LUZP2: variants seen among roughly 807,000 people sequenced by gnomAD.
The protein encoded by LUZP2 is leucine zipper protein 2.
In LUZP2, 52 loss-of-function variants were observed where a neutral mutation model predicts 51.6. The ratio of observed to expected loss-of-function variants is 1.01; its 90% CI spans 0.81 to 1.27. LUZP2 has a LOEUF of 1.27. LUZP2 is among the 50% of genes most tolerant of loss of function. The pLI, the probability that LUZP2 is intolerant of heterozygous loss-of-function variation, is 0.00. For synonymous variants in LUZP2, 154 were observed against 137.3 expected (o/e 1.12, Z -0.85); for missense variants, 436 against 395.4 (o/e 1.10, Z -0.87).
At chr11:25,018,049 T>TTTTTTTTTTTTTTTTTTTTTTTG (rs1857211364) in intron 9 of LUZP2, among the ~76,000 whole-genome samples, 2 of 100,968 alleles carry the variant, frequency 2.0e-5, no homozygotes, top group Non-Finnish European at 4.2e-5. Context: ...TTTTTTTTTG[T>TTTTTTTTTTTTTTTTTTTTTTTG]TTTTTTTTTT....
At chr11:24,799,015 G>A (rs1030479423) in intron 5 of LUZP2, among the ~76,000 whole-genome samples, 5 of 152,116 alleles carry the variant, frequency 3.3e-5, no homozygotes, top group African/African-American at 1.2e-4. Context: ...TTTTATTATG[G>A]TAGTGGAAGC....
intron 1 of LUZP2, among the ~76,000 whole-genome samples, chr11:24,520,973 G>A (rs1267205975): frequency 3.3e-5 from 5 of 152,302 alleles, no homozygotes; most frequent in Admixed American, 2.6e-4. Context: ...AGGACAATGC[G>A]TGTTTTTAGT....
chr11:24,593,423 G>T (rs753303318), intron 1 of LUZP2, among the ~76,000 whole-genome samples: 11 of 152,132 alleles, frequency 7.2e-5, no homozygotes, highest in Non-Finnish European at 1.3e-4. Context: ...TCTATCAGAT[G>T]TCCACTGAAG....
intron 7 of LUZP2, among the ~76,000 whole-genome samples, chr11:24,934,373 G>T (rs1854536217): frequency 6.6e-6 from 1 of 152,096 alleles, no homozygotes; most frequent in Non-Finnish European, 1.5e-5. Context: ...ATAAAAGGAG[G>T]TTTCTCTGGC....
intron 1 of LUZP2, among the ~76,000 whole-genome samples, chr11:24,559,360 G>A (rs370863300): frequency 1.3e-5 from 2 of 152,128 alleles, no homozygotes; most frequent in African/African-American, 2.4e-5. Context: ...AGTGAAGATG[G>A]TTATCATAAA....
intron 9 of LUZP2, among the ~76,000 whole-genome samples, chr11:24,985,472 G>A (rs1260050808): frequency 2.0e-5 from 3 of 151,632 alleles, no homozygotes; most frequent in Non-Finnish European, 4.4e-5. Context: ...TGCGTAAAAC[G>A]ACCCCAACTC....
intron 9 of LUZP2, among the ~76,000 whole-genome samples, chr11:25,048,250 G>A (rs763071574): frequency 1.3e-5 from 2 of 152,026 alleles, no homozygotes; most frequent in South Asian, 2.1e-4. Flanking sequence ...TCATTCTTCC[G>A]TTTCTTTGCT....
At chr11:24,604,604 G>A (rs1399163233) in intron 1 of LUZP2, among the ~76,000 whole-genome samples, 1 of 151,822 alleles carries the variant, frequency 6.6e-6, no homozygotes, top group Non-Finnish European at 1.5e-5. Context: ...CAGCAGTATG[G>A]TCTCTGACAC....
intron 1 of LUZP2, among the ~76,000 whole-genome samples, chr11:24,630,679 T>TA (rs1854853816): frequency 6.6e-6 from 1 of 151,298 alleles, no homozygotes; most frequent in Admixed American, 6.6e-5. Context: ...CCGACTTTTT[T>TA]TTTTTTTTTT....
chr11:24,885,874 A>G (rs930041507), intron 5 of LUZP2, among the ~76,000 whole-genome samples: 1 of 152,174 alleles, frequency 6.6e-6, no homozygotes, highest in East Asian at 1.9e-4. Context: ...TTTCCTATAC[A>G]AGAAAACCAA....
At chr11:24,993,502 A>C (rs1856410703) in intron 9 of LUZP2, among the ~76,000 whole-genome samples, 1 of 152,128 alleles carries the variant, frequency 6.6e-6, no homozygotes, top group African/African-American at 2.4e-5. Flanking sequence ...TTGCTTCTGT[A>C]TCTCCCAGTT....
At chr11:24,956,518 C>T (rs922060903) in intron 7 of LUZP2, among the ~76,000 whole-genome samples, 6 of 152,046 alleles carry the variant, frequency 3.9e-5, no homozygotes, top group Non-Finnish European at 8.8e-5. Context: ...GTCCTGACTT[C>T]AATTTTATAC....
Position 24,738,218 on chromosome 11 carries a change from T to C in LUZP2, c.252-3T>C. ...ACTTATGCTCTGTTTTCTACTAAAATAGAGAAGAAATGAAGTCTCTTCAGG... is the reference window on the plus strand; with the variant it reads ...ACTTATGCTCTGTTTTCTACTAAAACAGAGAAGAAATGAAGTCTCTTCAGG... On this transcript the variant is annotated splice_polypyrimidine_tract_variant and splice_region_variant and intron_variant, in intron 3 of 11. Coordinates refer to ENST00000336930, the MANE Select transcript of LUZP2 (RefSeq NM_001009909.4). 6.3e-7 allele frequency: 1 copy of C among 1,590,506 alleles called. No homozygotes were observed. The highest frequency in any genetic ancestry group is 8.6e-7 in the Non-Finnish European group (1 of 1,161,270).
At chr11:24,587,064 T>C (rs1853092221) in intron 1 of LUZP2, among the ~76,000 whole-genome samples, 1 of 152,178 alleles carries the variant, frequency 6.6e-6, no homozygotes, top group South Asian at 2.1e-4. Context: ...ATTTTTATTA[T>C]GACTACTTTC....
chr11:24,730,700 A>T (rs920160200), intron 2 of LUZP2, among the ~76,000 whole-genome samples: 3 of 151,800 alleles, frequency 2.0e-5, no homozygotes, highest in African/African-American at 7.2e-5. Flanking sequence ...AAAGGCCCAG[A>T]TGTGATCAGT....
At chr11:24,643,254 C>CAAAAAAAAAA (rs570616833) in intron 1 of LUZP2, among the ~76,000 whole-genome samples, 15 of 75,706 alleles carry the variant, frequency 2.0e-4, no homozygotes, top group African/African-American at 5.1e-4. Flanking sequence ...ACTAAAAGTA[C>CAAAAAAAAAA]AAAAAAAAAA....
chr11:24,812,457 G>T (rs1224054502), intron 5 of LUZP2, among the ~76,000 whole-genome samples: 2 of 152,110 alleles, frequency 1.3e-5, no homozygotes, highest in East Asian at 3.9e-4. Flanking sequence ...ATAACAATTT[G>T]CCAGTTGCTG....
At chr11:24,811,776 A>G (rs749119710) in intron 5 of LUZP2, among the ~76,000 whole-genome samples, 2 of 152,142 alleles carry the variant, frequency 1.3e-5, no homozygotes, top group Non-Finnish European at 2.9e-5. Context: ...TAGATTAGAT[A>G]AGGTATCACG....
At chr11:24,524,396 C>T (rs562544522) in intron 1 of LUZP2, among the ~76,000 whole-genome samples, 7 of 151,544 alleles carry the variant, frequency 4.6e-5, no homozygotes, top group South Asian at 4.1e-4. Context: ...CAAGAGCTTT[C>T]GTTTATAGAT....
Sources: gnomAD v4.1 joint callset for allele counts (sites outside exome capture counted in the v4.1 genomes callset) on GRCh38, gnomAD v4.1.1 for gene constraint, MANE v1.5 for transcripts, NCBI Gene and HGNC (gene_info 2026-07-23, HGNC 2026-07-21) for gene names.